PGR: variants seen among roughly 807,000 people sequenced by gnomAD.
PGR encodes progesterone receptor.
In PGR, 25 loss-of-function variants were observed where a neutral mutation model predicts 76.1. That is an observed-to-expected ratio of 0.33 (90% confidence interval 0.24 to 0.46). The LOEUF (loss-of-function observed/expected upper bound fraction) is 0.46, where lower values mean the gene tolerates loss of function less well. Among genes scored for constraint, PGR ranks in the 20% least tolerant of loss-of-function variants. PGR has a pLI of 1.00. For synonymous variants in PGR, 579 were observed against 535.0 expected (o/e 1.08, Z -1.14); for missense variants, 1,172 against 1,225.3 (o/e 0.96, Z 0.65).
At chr11:101,065,944 T>C (rs999327211) in intron 3 of PGR, among the ~76,000 whole-genome samples, 2 of 152,204 alleles carry the variant, frequency 1.3e-5, no homozygotes, top group Non-Finnish European at 2.9e-5. Context: ...ATTTTCTTTG[T>C]GGCCAATCTA....
Position 101,128,749 on chromosome 11 carries a change from T to C in PGR, c.322A>G (p.Ser108Gly), listed in dbSNP as rs771726033. 2 of 1,613,732 alleles carry C rather than the reference T, an allele frequency of 1.2e-6. No individual in the cohort carries two copies. Among genetic ancestry groups the C allele is most frequent in the Admixed American group, 1.7e-5 (1 of 60,026 alleles). ...TCCAAGACACTGTCCAGCAGTCCGC[T>C]GTCCTTTTCTGGGGGACTAGAACTG... The part of the protein sequence containing the change: ...GSSSSPPEKD[S>G]GLLDSVLDTL... Residue 108 changes from serine (S) to glycine (G), a missense_variant, in exon 1 of 8, where the codon AGC (serine) becomes GGC (glycine). Transcript: ENST00000325455.
rs930106154 is a variant in PGR, at chr11:101,037,856, T to C, written c.*1260A>G. ...CATTCAACTCTCAGTCAGCAAACAC[T>C]ATTGACCACTTTATATGGCTCCCAG... On this transcript the variant is annotated 3_prime_UTR_variant, in exon 8 of 8. Coordinates refer to ENST00000325455, the MANE Select transcript of PGR (RefSeq NM_000926.4). 3.6e-5 allele frequency: 8 copies of C among 220,180 alleles called. No homozygotes were observed. The highest frequency in any genetic ancestry group is 3.5e-4 in the Admixed American group (6 of 17,314). The allele number at this position is 220,180 out of a possible 1,614,324, so 13.6% of individuals were successfully genotyped here. A position where few individuals can be genotyped will look rare whatever the true frequency, so the allele number is the denominator to read the frequency against.
intron 6 of PGR, among the ~76,000 whole-genome samples, chr11:101,046,659 GT>G (rs1015454370): frequency 3.3e-5 from 5 of 151,950 alleles, no homozygotes; most frequent in Admixed American, 3.3e-4. Flanking sequence ...CTTCTAGCTT[GT>G]TTTTTAATTA....
chr11:101,085,511 A>G (rs1362463149), intron 3 of PGR, among the ~76,000 whole-genome samples: 1 of 127,186 alleles, frequency 7.9e-6, no homozygotes, highest in Non-Finnish European at 1.6e-5. Flanking sequence ...ACCTAACATC[A>G]CACCTAGAGG....
chr11:101,121,416 C>A (rs759977006), intron 2 of PGR, among the ~76,000 whole-genome samples: 3 of 152,218 alleles, frequency 2.0e-5, no homozygotes, highest in Non-Finnish European at 2.9e-5. Context: ...GATGTTCAAT[C>A]TTTCTCTTTC....
chr11:101,041,320 A>C (rs1375065863), intron 7 of PGR, among the ~76,000 whole-genome samples: 2 of 152,120 alleles, frequency 1.3e-5, no homozygotes, highest in Non-Finnish European at 2.9e-5. Context: ...TGAACATAGT[A>C]GCAATAAAAG....
At position 101,127,699 on chromosome 11, in the gene PGR, GGGTCGACCCCGA is replaced by G; in HGVS notation, c.1360_1371del (p.Ser454_Thr457del). 1.9e-6 allele frequency: 3 copies of G among 1,583,174 alleles called. No homozygotes were observed. Among genetic ancestry groups the G allele is most frequent in the Non-Finnish European group, 2.6e-6 (3 of 1,173,700 alleles). On this transcript the variant is annotated inframe_deletion, in exon 1 of 8. Transcript: ENST00000325455. ...TCCGCTTTGTACAGGATGCACTCCA[GGGTCGACCCCGA>G]GGAGGACGCAGACGAGACTGAGGCA...
At chr11:101,080,991 A>G (rs1391043335) in intron 3 of PGR, among the ~76,000 whole-genome samples, 1 of 152,192 alleles carries the variant, frequency 6.6e-6, no homozygotes, top group African/African-American at 2.4e-5. Flanking sequence ...AAGCAAAAAA[A>G]CCCTATGAAT....
chr11:101,031,110 T>A lies in PGR; in HGVS notation c.*8006A>T, dbSNP rs1221418740. The stretch of plus-strand genomic sequence containing the variant: ...GGCTCTCCTGAAGGGGCAAGGTGAC[T>A]CCACAGCAGGGCCAGATGAGAAAAG... On this transcript the variant is annotated 3_prime_UTR_variant, in exon 8 of 8. Transcript: ENST00000325455. 3 of 203,078 alleles carry A rather than the reference T, an allele frequency of 1.5e-5. No individual in the cohort carries two copies. The highest frequency in any genetic ancestry group is 1.2e-4 in the Admixed American group (2 of 16,700). The allele number at this position is 203,078 out of a possible 1,614,324, so 12.6% of individuals were successfully genotyped here. A position where few individuals can be genotyped will look rare whatever the true frequency, so the allele number is the denominator to read the frequency against.
At chr11:101,065,066 T>C (rs1392165715) in intron 3 of PGR, among the ~76,000 whole-genome samples, 2 of 152,190 alleles carry the variant, frequency 1.3e-5, no homozygotes, top group Non-Finnish European at 2.9e-5. Flanking sequence ...AATTGACTAC[T>C]TCATGACACA....
intron 6 of PGR, among the ~76,000 whole-genome samples, chr11:101,049,497 C>T (rs545980171): frequency 4.6e-5 from 7 of 152,184 alleles, no homozygotes; most frequent in Non-Finnish European, 7.4e-5. Context: ...AGTATCACCA[C>T]GAACATGTGA....
intron 2 of PGR, among the ~76,000 whole-genome samples, chr11:101,105,276 A>G (rs772648065): frequency 6.6e-6 from 1 of 152,166 alleles, no homozygotes; most frequent in African/African-American, 2.4e-5. Context: ...TAACAGTATC[A>G]CAATGGCTTC....
At chr11:101,042,373 T>C (rs746497387) in intron 6 of PGR, among the ~76,000 whole-genome samples, 2 of 152,158 alleles carry the variant, frequency 1.3e-5, no homozygotes, top group Non-Finnish European at 2.9e-5. Flanking sequence ...GGATTGTGCA[T>C]TTAACTTAGC....
rs1175582391 is a variant in PGR, at chr11:101,062,492, C to T, written c.2167G>A (p.Glu723Lys). 4 of 1,613,864 alleles carry T rather than the reference C, an allele frequency of 2.5e-6. No homozygotes were observed. In the Admixed American group the frequency reaches 6.7e-5, roughly 27 times the overall value. The part of the protein sequence containing the change: ...SLLTSLNQLG[E>K]RQLLSVVKWS... ...TTGACTACTGAAAGAAGTTGCCTCT[C>T]GCCTAGTTGATTAAGACTTGTCAGC... The change falls in exon 4 of 8, where the codon GAG (glutamate) becomes AAG (lysine). Residue 723 changes from glutamate to lysine, a missense_variant. Transcript: ENST00000325455.
chr11:101,117,684 T>G (rs577109786), intron 2 of PGR, among the ~76,000 whole-genome samples: 1 of 140,454 alleles, frequency 7.1e-6, no homozygotes, highest in Non-Finnish European at 1.7e-5. Context: ...AGTCACAATA[T>G]TATTATATTA....
chr11:101,030,290 A>G lies in PGR; in HGVS notation c.*8826T>C. The G allele has an allele frequency of 4.5e-6, 1 of 224,648 alleles. No homozygotes were observed. The allele number at this position is 224,648 out of a possible 1,614,324, so 13.9% of individuals were successfully genotyped here. On this transcript the variant is annotated 3_prime_UTR_variant, in exon 8 of 8. Transcript: ENST00000325455. ...AGATTGCATCAACTTCAACACAAAA[A>G]AATGTGAATATCTACCATGTGCAAA...
At chr11:101,053,804 TCCCTCCTTCCTTCCTC>T (rs147597569) in intron 4 of PGR, among the ~76,000 whole-genome samples, 2,013 of 151,510 alleles carry the variant, frequency 0.013, 36 homozygotes, top group African/African-American at 0.046. Context: ...CTTCTTTCCT[TCCCTCCTTCCTTCCTC>T]CCCTCCTTCC....
chr11:101,053,291 G>A (rs1860160746), intron 4 of PGR, among the ~76,000 whole-genome samples: 1 of 152,126 alleles, frequency 6.6e-6, no homozygotes. Flanking sequence ...AAGGTAGGTA[G>A]CAAAAAAGAA....
At chr11:101,089,774 G>A (rs778030038) in intron 3 of PGR, among the ~76,000 whole-genome samples, 2 of 152,082 alleles carry the variant, frequency 1.3e-5, no homozygotes, top group Non-Finnish European at 2.9e-5. Flanking sequence ...AAACAAATAA[G>A]TAATATAAAA....
Sources: gnomAD v4.1 joint callset for allele counts (sites outside exome capture counted in the v4.1 genomes callset) on GRCh38, gnomAD v4.1.1 for gene constraint, MANE v1.5 for transcripts, NCBI Gene and HGNC (gene_info 2026-07-23, HGNC 2026-07-21) for gene names.